TENM2: variants seen among roughly 807,000 people sequenced by gnomAD.
TENM2 encodes the protein teneurin-2.
In TENM2, 52 loss-of-function variants were observed where a neutral mutation model predicts 245.2. The ratio of observed to expected loss-of-function variants is 0.21; its 90% CI spans 0.17 to 0.27. The LOEUF (loss-of-function observed/expected upper bound fraction) is 0.27. TENM2 is among the 10% of genes least tolerant of loss of function. TENM2 has a pLI of 1.00. For missense variants in TENM2, 3,046 were observed against 3,666.8 expected, an observed-to-expected ratio of 0.83 and a Z score of 4.37; for synonymous variants, 1,363 against 1,438.9, an observed-to-expected ratio of 0.95 and a Z score of 1.19.
intron 27 of TENM2, among the ~76,000 whole-genome samples, chr5:168,255,867 A>G (rs906307177): frequency 6.6e-6 from 1 of 151,970 alleles, no homozygotes; most frequent in African/African-American, 2.4e-5. Context: ...GTGCAGTGGC[A>G]TACTCTCGGC....
intron 2 of TENM2, among the ~76,000 whole-genome samples, chr5:167,469,344 A>G (rs974844852): frequency 6.6e-6 from 1 of 152,156 alleles, no homozygotes; most frequent in Non-Finnish European, 1.5e-5. Flanking sequence ...GACTTTTGCA[A>G]GACTATTTGT....
At chr5:167,149,397 A>G in the TENM2 span, among the ~76,000 whole-genome samples, 1 of 152,192 alleles carries the variant, frequency 6.6e-6, no homozygotes, top group Non-Finnish European at 1.5e-5. Context: ...CAAATATTAG[A>G]TAGCGAGTGT....
the TENM2 span, among the ~76,000 whole-genome samples, chr5:167,271,974 C>A: frequency 6.6e-6 from 1 of 152,100 alleles, no homozygotes; most frequent in African/African-American, 2.4e-5. Flanking sequence ...CCTTGGTCTA[C>A]CCAGCGGTCA....
At chr5:167,839,745 T>A (rs2151142123) in intron 2 of TENM2, among the ~76,000 whole-genome samples, 1 of 152,350 alleles carries the variant, frequency 6.6e-6, no homozygotes, top group Non-Finnish European at 1.5e-5. Context: ...TTTTTGCTTA[T>A]TTGTTTTATT....
the TENM2 span, among the ~76,000 whole-genome samples, chr5:167,235,389 A>C: frequency 1.3e-5 from 2 of 152,176 alleles, no homozygotes; most frequent in Non-Finnish European, 2.9e-5. Context: ...TTGCTCCCCA[A>C]AATTTGTGTT....
At chr5:168,013,267 G>A (rs1033734801) in intron 5 of TENM2, among the ~76,000 whole-genome samples, 6 of 152,094 alleles carry the variant, frequency 3.9e-5, no homozygotes, top group South Asian at 2.1e-4. Context: ...GTCTGATGCC[G>A]CCAAAAATCA....
At chr5:167,358,874 C>T (rs1759522419) in intron 1 of TENM2, among the ~76,000 whole-genome samples, 1 of 150,352 alleles carries the variant, frequency 6.7e-6, no homozygotes, top group Non-Finnish European at 1.5e-5. Context: ...TACAGCCTAC[C>T]CCATCTCAAT....
chr5:167,644,079 G>A (rs1051355187), intron 2 of TENM2, among the ~76,000 whole-genome samples: 49 of 152,028 alleles, frequency 3.2e-4, no homozygotes, highest in African/African-American at 1.2e-3. Context: ...TTATCCACCT[G>A]GATCCATTTA....
At chr5:167,076,052 C>T in the TENM2 span, among the ~76,000 whole-genome samples, 78 of 152,300 alleles carry the variant, frequency 5.1e-4, 2 homozygotes, top group South Asian at 0.016. Flanking sequence ...AAATGCCATT[C>T]TCTTTGCTCT....
chr5:167,819,673 A>G (rs562180261), intron 2 of TENM2, among the ~76,000 whole-genome samples: 1 of 152,304 alleles, frequency 6.6e-6, no homozygotes, highest in South Asian at 2.1e-4. Context: ...GGTGCAGTTC[A>G]TTCTGCCTGT....
intron 2 of TENM2, among the ~76,000 whole-genome samples, chr5:167,780,145 A>G (rs1764093802): frequency 6.6e-6 from 1 of 152,234 alleles, no homozygotes; most frequent in African/African-American, 2.4e-5. Flanking sequence ...TTCACTGATT[A>G]CACTCTATCA....
chr5:167,368,812 G>C lies in TENM2; in HGVS notation c.227-6386G>C, dbSNP rs148588873. On this transcript the variant is annotated intron_variant, in intron 1 of 28. Coordinates refer to ENST00000518659, the Ensembl canonical transcript of TENM2. Reference sequence around the variant, plus strand: ...GAACCCTCCCCTACCCCCACCCCAGGCCTCTGCTGATGACAACCTCGCTGA... The same window carrying C: ...GAACCCTCCCCTACCCCCACCCCAGCCCTCTGCTGATGACAACCTCGCTGA... Among the ~76,000 whole-genome samples the C allele has an allele frequency of 4.7e-4, 72 of 152,104 alleles. 1 individual carries two copies. The East Asian group carries it at 0.012, about 26-fold the overall frequency.
the TENM2 span, among the ~76,000 whole-genome samples, chr5:166,989,983 T>G: frequency 0.05 from 7,661 of 152,012 alleles, 351 homozygotes; most frequent in Middle Eastern, 0.16. Flanking sequence ...ATTTTGAAGT[T>G]AAAGATAATT....
At chr5:167,506,936 G>A (rs900574482) in intron 2 of TENM2, among the ~76,000 whole-genome samples, 5 of 152,044 alleles carry the variant, frequency 3.3e-5, no homozygotes, top group African/African-American at 1.2e-4. Flanking sequence ...TAATTTGTTT[G>A]TGAAAGTTCC....
the TENM2 span, among the ~76,000 whole-genome samples, chr5:167,052,530 C>G: frequency 1.3e-5 from 2 of 152,068 alleles, no homozygotes; most frequent in Admixed American, 6.6e-5. Context: ...GTATATGATA[C>G]AACAAATATG....
intron 2 of TENM2, among the ~76,000 whole-genome samples, chr5:167,633,608 T>TAAAGCAGAACTGAATTGGTGGA: frequency 6.6e-6 from 1 of 152,220 alleles, no homozygotes; most frequent in Non-Finnish European, 1.5e-5. Context: ...GGGATCTTTC[T>TAAAGCAGAACTGAATTGGTGGA]AAAGCAGAAC....
chr5:167,744,517 G>A (rs889427152), intron 2 of TENM2, among the ~76,000 whole-genome samples: 2 of 152,146 alleles, frequency 1.3e-5, no homozygotes, highest in Non-Finnish European at 2.9e-5. Flanking sequence ...TAGGAGTTCA[G>A]AAAAAGGAAA....
chr5:167,562,157 G>A (rs1406443636), intron 2 of TENM2, among the ~76,000 whole-genome samples: 3 of 152,188 alleles, frequency 2.0e-5, no homozygotes, highest in Non-Finnish European at 1.5e-5. Context: ...CAGCAGGAGC[G>A]TGAGGCTGCG....
chr5:167,344,325 T>TATATAG (rs1166648396), intron 1 of TENM2, among the ~76,000 whole-genome samples: 1 of 143,534 alleles, frequency 7.0e-6, no homozygotes, highest in Non-Finnish European at 1.5e-5. Context: ...TATATATATA[T>TATATAG]ATATAGATAT....
Sources: allele counts gnomAD v4.1 joint callset (sites outside exome capture counted in the v4.1 genomes callset), GRCh38; gene constraint gnomAD v4.1.1; transcripts MANE v1.5; gene names NCBI Gene and HGNC (gene_info 2026-07-23, HGNC 2026-07-21).